Variants in DOK6 observed in about 807,000 individuals in gnomAD.
The protein encoded by DOK6 is downstream of tyrosine kinase 6.
Under a neutral mutation model 44.0 loss-of-function variants are expected in DOK6, and 22 were observed. The ratio of observed to expected loss-of-function variants is 0.50; its 90% CI spans 0.36 to 0.71. The LOEUF is 0.71. Among genes scored for constraint, DOK6 ranks in the 30% least tolerant of loss-of-function variants. DOK6 has a pLI of 0.00. For missense variants in DOK6, 340 were observed against 416.4 expected (o/e 0.82, Z 1.60); for synonymous variants, 166 against 145.5 (o/e 1.14, Z -1.01).
At chr18:69,545,451 T>C (rs1025802349) in intron 1 of DOK6, among the ~76,000 whole-genome samples, 2 of 149,034 alleles carry the variant, frequency 1.3e-5, no homozygotes, top group African/African-American at 2.5e-5. Context: ...TATTTTCTCC[T>C]GGTATTTCAT....
chr18:69,616,096 A>T (rs1984277982), intron 3 of DOK6, among the ~76,000 whole-genome samples: 1 of 152,192 alleles, frequency 6.6e-6, no homozygotes, highest in Non-Finnish European at 1.5e-5. Flanking sequence ...TCACTCACTA[A>T]ACACTGATGA....
At chr18:69,706,401 G>A (rs1986633992) in intron 5 of DOK6, among the ~76,000 whole-genome samples, 1 of 152,020 alleles carries the variant, frequency 6.6e-6, no homozygotes, top group South Asian at 2.1e-4. Flanking sequence ...ACAACCGAAA[G>A]TTTTCTAAAG....
intron 1 of DOK6, among the ~76,000 whole-genome samples, chr18:69,509,087 A>G (rs895176074): frequency 7.2e-5 from 11 of 152,306 alleles, no homozygotes; most frequent in African/African-American, 2.4e-4. Flanking sequence ...CCATTTACTC[A>G]AGTATAACCA....
chr18:69,648,709 C>T (rs954827591), intron 3 of DOK6, among the ~76,000 whole-genome samples: 10 of 152,240 alleles, frequency 6.6e-5, no homozygotes, highest in East Asian at 1.9e-4. Context: ...GCTTTGGCTA[C>T]GTGCCAATGC....
chr18:69,599,644 A>G (rs181252291), intron 3 of DOK6, 146 bp downstream of exon 3: 2 of 633,360 alleles, frequency 3.2e-6, no homozygotes, highest in East Asian at 2.8e-5. Flanking sequence ...AGCTCAACGT[A>G]TTGATTTCTA....
rs564099171 is a variant in DOK6 at position 69,610,839 on chromosome 18, A to G, written c.289+11341A>G. On this transcript the variant is annotated intron_variant, in intron 3 of 7. Transcript: ENST00000382713. ...ATGCAATCACTGCAGGATTTTATGT[A>G]AGAGATTTGAGCATTCATTGATTTT... Among the ~76,000 whole-genome samples, 36 of 152,286 alleles carry G rather than the reference A, an allele frequency of 2.4e-4. No individual in the cohort carries two copies. In the South Asian group the frequency reaches 2.9e-3, roughly 12 times the overall value.
At chr18:69,507,063 C>T (rs1981211323) in intron 1 of DOK6, among the ~76,000 whole-genome samples, 1 of 151,904 alleles carries the variant, frequency 6.6e-6, no homozygotes, top group Admixed American at 6.6e-5. Flanking sequence ...GTCTTTGTCA[C>T]CCAGGCTGGA....
At chr18:69,672,227 C>G (rs1985813982) in intron 3 of DOK6, among the ~76,000 whole-genome samples, 2 of 151,630 alleles carry the variant, frequency 1.3e-5, no homozygotes, top group South Asian at 4.2e-4. Context: ...ATCGTACCCC[C>G]ATCTCTACAC....
At chr18:69,571,936 C>T (rs1024756607) in intron 2 of DOK6, among the ~76,000 whole-genome samples, 1 of 152,046 alleles carries the variant, frequency 6.6e-6, no homozygotes, top group Admixed American at 6.6e-5. Flanking sequence ...ATAAAGGTTA[C>T]TTTCAAGTTC....
At chr18:69,482,500 C>G (rs954705817) in intron 1 of DOK6, among the ~76,000 whole-genome samples, 2 of 151,938 alleles carry the variant, frequency 1.3e-5, no homozygotes, top group Admixed American at 6.6e-5. Flanking sequence ...ATGTTTGTAT[C>G]CCATGGAATT....
intron 7 of DOK6, among the ~76,000 whole-genome samples, chr18:69,812,378 T>C (rs750162130): frequency 2.0e-5 from 3 of 152,144 alleles, no homozygotes; most frequent in Middle Eastern, 3.2e-3. Context: ...ATAAATTATA[T>C]CATTTTTCAT....
intron 2 of DOK6, among the ~76,000 whole-genome samples, chr18:69,592,275 T>TTAAAAACC (rs1233722799): frequency 2.0e-5 from 3 of 151,474 alleles, no homozygotes; most frequent in African/African-American, 7.3e-5. Context: ...AATCCAAGTG[T>TTAAAAACC]CATGTCTACA....
intron 1 of DOK6, among the ~76,000 whole-genome samples, chr18:69,446,689 C>T (rs536287964): frequency 1.3e-5 from 2 of 152,300 alleles, no homozygotes; most frequent in Admixed American, 6.5e-5. Flanking sequence ...TCAAAGTGTT[C>T]CTGTTTCTCC....
At chr18:69,405,641 A>T (rs576128785) in intron 1 of DOK6, among the ~76,000 whole-genome samples, 6 of 151,362 alleles carry the variant, frequency 4.0e-5, no homozygotes, top group East Asian at 1.9e-4. Flanking sequence ...AGAAATGTGC[A>T]TATGTGCATT....
chr18:69,541,739 G>A (rs1361319129), intron 1 of DOK6, among the ~76,000 whole-genome samples: 1 of 151,402 alleles, frequency 6.6e-6, no homozygotes, highest in African/African-American at 2.4e-5. Flanking sequence ...GTATGATAAT[G>A]GTCATGTTTG....
chr18:69,410,964 C>G (rs1978303387), intron 1 of DOK6, among the ~76,000 whole-genome samples: 2 of 152,080 alleles, frequency 1.3e-5, no homozygotes, highest in South Asian at 4.1e-4. Flanking sequence ...CTCCTGATAT[C>G]TATGAGGTTT....
chr18:69,553,272 C>T (rs867720588), intron 1 of DOK6, among the ~76,000 whole-genome samples: 8 of 152,144 alleles, frequency 5.3e-5, no homozygotes, highest in Non-Finnish European at 8.8e-5. Context: ...AACAGTTGTG[C>T]ATAGTGTAAG....
At chr18:69,820,155 A>G (rs1981526695) in intron 7 of DOK6, among the ~76,000 whole-genome samples, 1 of 152,216 alleles carries the variant, frequency 6.6e-6, no homozygotes, top group Non-Finnish European at 1.5e-5. Context: ...ATCAGTCAAC[A>G]GACAATTAGG....
chr18:69,538,672 C>CTTG (rs56030064), intron 1 of DOK6, among the ~76,000 whole-genome samples: 2 of 152,166 alleles, frequency 1.3e-5, no homozygotes, highest in African/African-American at 4.8e-5. Flanking sequence ...TGTGAGCTAC[C>CTTG]GCCTCCATTT....
Sources: allele counts gnomAD v4.1 joint callset (sites outside exome capture counted in the v4.1 genomes callset), GRCh38; gene constraint gnomAD v4.1.1; transcripts MANE v1.5; gene names NCBI Gene and HGNC (gene_info 2026-07-23, HGNC 2026-07-21).